Variants in ETFDH observed in about 807,000 individuals in gnomAD.
ETFDH encodes the protein electron transfer flavoprotein-ubiquinone oxidoreductase, mitochondrial.
ETFDH carries 61 observed loss-of-function variants against 73.2 expected under a neutral mutation model. That is an observed-to-expected ratio of 0.83 (90% CI 0.68 to 1.03). ETFDH has a LOEUF of 1.03. ETFDH is among the 50% of genes least tolerant of loss of function. The pLI is 0.00. For missense variants in ETFDH, 685 were observed against 745.0 expected (o/e 0.92, Z 0.94); for synonymous variants, 243 against 253.3 (o/e 0.96, Z 0.39).
At chr4:158,684,364 T>C (rs1448570860) in intron 3 of ETFDH, among the ~76,000 whole-genome samples, 1 of 142,262 alleles carries the variant, frequency 7.0e-6, no homozygotes, top group Non-Finnish European at 1.5e-5. Flanking sequence ...CACTCCAGCC[T>C]GGGTGACAGA....
chr4:158,703,830 C>T (rs1208562826), intron 10 of ETFDH, among the ~76,000 whole-genome samples: 1 of 152,242 alleles, frequency 6.6e-6, no homozygotes, highest in Non-Finnish European at 1.5e-5. Context: ...GCCACGGTGG[C>T]TCACGCCTGT....
In ETFDH at chr4:158,697,795, G is replaced by A. The variant is rs1156525865; in HGVS notation, c.972+96G>A. 48 of 1,162,886 alleles carry A rather than the reference G, an allele frequency of 4.1e-5. 1 individual carries two copies. Among genetic ancestry groups the A allele is most frequent in the Admixed American group, 4.0e-4 (22 of 55,210 alleles). 72.0% of individuals were successfully genotyped at this position (1,162,886 alleles called of 1,614,324 possible). A position where few individuals can be genotyped will look rare whatever the true frequency, so the allele number is the denominator to read the frequency against. On this transcript the variant is annotated intron_variant, in intron 8 of 12. Coordinates refer to ENST00000511912, the MANE Select transcript of ETFDH (RefSeq NM_004453.4). ...GTTTTGAATCTGAAGACTGTAAAAT[G>A]CTTTTTATTTAAAGCTTTCTAATTT... is the stretch of plus-strand genomic sequence containing the variant.
chr4:158,708,322 T>A (rs1774693404), intron 12 of ETFDH, 42 bp from the exon 13 acceptor site: 1 of 1,501,112 alleles, frequency 6.7e-7, no homozygotes. Flanking sequence ...TAAAAATTTT[T>A]TAAAGTTAGG....
In ETFDH at chr4:158,682,149, T is replaced by G. The variant is rs371112465; in HGVS notation, c.176-46T>G. On this transcript the variant is annotated intron_variant, in intron 2 of 12. Transcript: ENST00000511912. ...TTTTTAACTGTCATGTGATTTATCA[T>G]GTGATTATTGGGTTATATTAATCCC... is the stretch of plus-strand genomic sequence containing the variant. 5 of 1,611,384 alleles carry G rather than the reference T, an allele frequency of 3.1e-6. No homozygotes were observed. The African/African-American group carries it at 6.7e-5, about 22-fold the overall frequency.
At chr4:158,693,620 T>C (rs1196354358) in intron 6 of ETFDH, among the ~76,000 whole-genome samples, 1 of 152,222 alleles carries the variant, frequency 6.6e-6, no homozygotes, top group East Asian at 1.9e-4. Context: ...TGGTTGTTTC[T>C]TTCTGGTGAT....
intron 1 of ETFDH, 134 bp downstream of exon 1, chr4:158,672,624 G>T: frequency 1.1e-6 from 1 of 906,852 alleles, no homozygotes; most frequent in Non-Finnish European, 1.8e-6. Context: ...AAGGTCACGC[G>T]CTGTCAGCCT....
intron 10 of ETFDH, among the ~76,000 whole-genome samples, chr4:158,704,783 T>TA (rs1301510268): frequency 6.6e-6 from 1 of 152,214 alleles, no homozygotes; most frequent in Non-Finnish European, 1.5e-5. Context: ...TAGAGGTATG[T>TA]AACCAGGTTA....
chr4:158,698,982 T>G lies in ETFDH; in HGVS notation c.973-5T>G. On this transcript the variant is annotated splice_polypyrimidine_tract_variant and splice_region_variant and intron_variant, in intron 8 of 12. Coordinates refer to ENST00000511912, the MANE Select transcript of ETFDH (RefSeq NM_004453.4). The stretch of plus-strand genomic sequence containing the variant: ...TCTAATTAAATATAAGTGTAAATTT[T>G]TAAGGTTGGTCTAGACTATCAGAAT... 3.2e-6 allele frequency: 5 copies of G among 1,580,356 alleles called. No homozygotes were observed. The South Asian group carries it at 4.5e-5, about 14-fold the overall frequency.
intron 1 of ETFDH, among the ~76,000 whole-genome samples, chr4:158,677,118 G>T (rs1773728419): frequency 6.6e-6 from 1 of 152,158 alleles, no homozygotes; most frequent in Non-Finnish European, 1.5e-5. Context: ...TTCTATCAAA[G>T]AAACCATTGC....
chr4:158,708,542 G>A lies in ETFDH; in HGVS notation c.*15G>A. On this transcript the variant is annotated 3_prime_UTR_variant, in exon 13 of 13. Transcript: ENST00000511912. ...ATGGAATGTAAACTGCAGCTAGCCA[G>A]TTTCTTTCAAGTATGGCAAGCTAAC... is the stretch of plus-strand genomic sequence containing the variant. The A allele has an allele frequency of 6.2e-7, 1 of 1,609,274 alleles. No individual in the cohort carries two copies. Among genetic ancestry groups the A allele is most frequent in the Non-Finnish European group, 8.5e-7 (1 of 1,175,618 alleles).
intron 6 of ETFDH, among the ~76,000 whole-genome samples, chr4:158,693,079 T>G (rs901605805): frequency 1.4e-4 from 22 of 152,022 alleles, no homozygotes; most frequent in African/African-American, 5.3e-4. Flanking sequence ...AAATCAAAGA[T>G]TCTGTTTAAG....
At chr4:158,697,432 A>G (rs1046623108) in intron 7 of ETFDH, 127 bp from the exon 8 acceptor site, 2 of 805,138 alleles carry the variant, frequency 2.5e-6, no homozygotes, top group African/African-American at 1.7e-5. Flanking sequence ...GTATTCTTAT[A>G]TCACAGTTTT....
At chr4:158,706,123 ATACT>A in intron 10 of ETFDH, 62 bp from the exon 11 acceptor site, 5 of 1,107,872 alleles carry the variant, frequency 4.5e-6, no homozygotes, top group Non-Finnish European at 5.6e-6. Flanking sequence ...AAGTAGCAAA[ATACT>A]TAGCGTATTT....
In ETFDH at chr4:158,703,139, C is replaced by G. The variant is rs73858520; in HGVS notation, c.1117-284C>G. Among the ~76,000 whole-genome samples, 1,918 of 152,198 alleles carry G rather than the reference C, an allele frequency of 0.013. 42 individuals carry two copies. Among genetic ancestry groups the G allele is most frequent in the African/African-American group, 0.042 (1,724 of 41,506 alleles). ...TGTAAATAAAACATTCTATTTAAAA[C>G]ATATTGATGCTTCAGTCATAAATCT... On this transcript the variant is annotated intron_variant, in intron 9 of 12. Transcript: ENST00000511912.
At chr4:158,680,446 A>T in intron 1 of ETFDH, 21 bp from the exon 2 acceptor site, 1 of 1,583,594 alleles carries the variant, frequency 6.3e-7, no homozygotes, top group Non-Finnish European at 8.7e-7. Context: ...GAAGATAATA[A>T]TTTTCGTAAT....
Position 158,680,341 on chromosome 4 carries a change from TCA to T in ETFDH, c.35-124_35-123del, listed in dbSNP as rs1248954017. On this transcript the variant is annotated intron_variant, in intron 1 of 12. Transcript: ENST00000511912. ...TATGAGAAAAAGCTATTCAAAGTGTTCACCTAGGAAAGATTATAGTATATTTC... is the reference window on the plus strand; with the variant it reads ...TATGAGAAAAAGCTATTCAAAGTGTTCCTAGGAAAGATTATAGTATATTTC... 6.2e-6 allele frequency: 4 copies of T among 642,930 alleles called. No homozygotes were observed. In the African/African-American group the frequency reaches 7.3e-5, roughly 12 times the overall value. 39.8% of individuals were successfully genotyped at this position (642,930 alleles called of 1,614,324 possible). A position where few individuals can be genotyped will look rare whatever the true frequency, so the allele number is the denominator to read the frequency against.
At chr4:158,684,895 G>T in intron 4 of ETFDH, 1 of 616,552 alleles carries the variant, frequency 1.6e-6, no homozygotes, top group South Asian at 2.0e-5. Flanking sequence ...AGCCAAGCAG[G>T]AATTTCTAAC....
chr4:158,683,792 C>G (rs777816973), intron 3 of ETFDH, among the ~76,000 whole-genome samples: 1 of 152,010 alleles, frequency 6.6e-6, no homozygotes, highest in Non-Finnish European at 1.5e-5. Context: ...CATGTGGGCT[C>G]AAAACCACTA....
Position 158,682,439 on chromosome 4 carries a change from T to C in ETFDH, c.405+15T>C. On this transcript the variant is annotated intron_variant, in intron 3 of 12. Transcript: ENST00000511912. ...AAGAGAAGGGGGTATGAAAAATTGTTTTTTATACAAAGTCTAATCTTTTGT... is the reference window on the plus strand; with the variant it reads ...AAGAGAAGGGGGTATGAAAAATTGTCTTTTATACAAAGTCTAATCTTTTGT... 1.9e-6 allele frequency: 3 copies of C among 1,593,148 alleles called. No homozygotes were observed. Among genetic ancestry groups the C allele is most frequent in the Non-Finnish European group, 2.6e-6 (3 of 1,161,284 alleles).
Sources: allele counts gnomAD v4.1 joint callset (sites outside exome capture counted in the v4.1 genomes callset), GRCh38; gene constraint gnomAD v4.1.1; transcripts MANE v1.5; gene names NCBI Gene and HGNC (gene_info 2026-07-23, HGNC 2026-07-21).